The following AGMO variants were observed in gnomAD, a reference collection of about 807,000 sequenced individuals.
AGMO encodes the protein alkylglycerol monooxygenase, also known as glyceryl-ether monooxygenase.
AGMO carries 75 observed loss-of-function variants against 60.2 expected under a neutral mutation model. The observed-to-expected ratio is 1.25, with a 90% confidence interval of 1.03 to 1.51. AGMO has a LOEUF of 1.51. AGMO is among the 40% of genes most tolerant of loss of function. AGMO has a pLI of 0.00. For missense variants in AGMO, 763 were observed against 525.5 expected (o/e 1.45, Z -4.42); for synonymous variants, 261 against 177.1 (o/e 1.47, Z -3.76).
At chr7:15,444,105 T>C (rs985144628) in intron 3 of AGMO, among the ~76,000 whole-genome samples, 1 of 152,198 alleles carries the variant, frequency 6.6e-6, no homozygotes, top group Non-Finnish European at 1.5e-5. Context: ...TTCATCTTCG[T>C]ATTTTCCACA....
intron 12 of AGMO, among the ~76,000 whole-genome samples, chr7:15,331,204 G>A (rs886265947): frequency 1.3e-5 from 2 of 152,162 alleles, no homozygotes; most frequent in South Asian, 4.1e-4. Context: ...CCCCAGGCAA[G>A]AAAGAATGAA....
intron 12 of AGMO, among the ~76,000 whole-genome samples, chr7:15,238,507 T>A (rs1237209239): frequency 6.6e-6 from 1 of 151,778 alleles, no homozygotes; most frequent in Non-Finnish European, 1.5e-5. Context: ...TACACAGGTA[T>A]CAAAATATCA....
intron 3 of AGMO, among the ~76,000 whole-genome samples, chr7:15,451,181 G>C (rs1414188110): frequency 1.3e-5 from 2 of 152,050 alleles, no homozygotes; most frequent in Non-Finnish European, 1.5e-5. Context: ...ATTTTATAGA[G>C]AGAGGTATAT....
chr7:15,382,955 C>T (rs1296359563), intron 10 of AGMO, among the ~76,000 whole-genome samples: 1 of 151,650 alleles, frequency 6.6e-6, no homozygotes, highest in Non-Finnish European at 1.5e-5. Context: ...GTTATTTTTG[C>T]CTACTTGAGC....
At chr7:15,346,779 C>T (rs887065742) in intron 12 of AGMO, among the ~76,000 whole-genome samples, 1 of 151,478 alleles carries the variant, frequency 6.6e-6, no homozygotes, top group Non-Finnish European at 1.5e-5. Flanking sequence ...AGAATATAAG[C>T]AAAAAAACAA....
At chr7:15,405,893 A>C (rs1312029675) in intron 5 of AGMO, among the ~76,000 whole-genome samples, 1 of 151,908 alleles carries the variant, frequency 6.6e-6, no homozygotes, top group Admixed American at 6.6e-5. Context: ...TGATTTCAAA[A>C]TGTATAATCT....
intron 3 of AGMO, among the ~76,000 whole-genome samples, chr7:15,489,490 T>A (rs1238563153): frequency 2.6e-5 from 4 of 152,138 alleles, no homozygotes; most frequent in Non-Finnish European, 4.4e-5. Context: ...GCTTTTGTCC[T>A]CCCTCCAACC....
At chr7:15,363,630 CCAT>C (rs142814867) in intron 12 of AGMO, among the ~76,000 whole-genome samples, 1,594 of 152,206 alleles carry the variant, frequency 0.01, 35 homozygotes, top group African/African-American at 0.037. Context: ...AAGTAAACTG[CCAT>C]CATCTTATCA....
chr7:15,460,637 T>C (rs1204631739), intron 3 of AGMO, among the ~76,000 whole-genome samples: 1 of 152,132 alleles, frequency 6.6e-6, no homozygotes, highest in Non-Finnish European at 1.5e-5. Context: ...AATATTGACC[T>C]AGGTTTTATG....
intron 3 of AGMO, among the ~76,000 whole-genome samples, chr7:15,526,152 C>T (rs1050710464): frequency 1.3e-5 from 2 of 152,174 alleles, no homozygotes; most frequent in Non-Finnish European, 2.9e-5. Flanking sequence ...GATGGGGTGT[C>T]TCCTGCAGCG....
At chr7:15,322,519 T>C (rs1326487470) in intron 12 of AGMO, among the ~76,000 whole-genome samples, 1 of 85,774 alleles carries the variant, frequency 1.2e-5, no homozygotes, top group Non-Finnish European at 2.0e-5. Context: ...TATATATAAA[T>C]ATATATAAAT....
At chr7:15,372,168 C>T (rs376502659) in intron 10 of AGMO, among the ~76,000 whole-genome samples, 306 of 151,460 alleles carry the variant, frequency 2.0e-3, no homozygotes, top group African/African-American at 6.8e-3. Flanking sequence ...GTCTAACATG[C>T]GGCTGGGTGT....
the AGMO span, among the ~76,000 whole-genome samples, chr7:15,195,012 T>A: frequency 6.6e-6 from 1 of 152,102 alleles, no homozygotes; most frequent in Non-Finnish European, 1.5e-5. Flanking sequence ...CTGAATAGGA[T>A]AAGGGGAGGA....
At chr7:15,543,193 A>G (rs1285871269) in intron 3 of AGMO, among the ~76,000 whole-genome samples, 2 of 151,992 alleles carry the variant, frequency 1.3e-5, no homozygotes, top group Non-Finnish European at 2.9e-5. Context: ...TGAAATCCTG[A>G]GTTGTGCTCT....
At chr7:15,158,613 T>C in the AGMO span, among the ~76,000 whole-genome samples, 1 of 152,336 alleles carries the variant, frequency 6.6e-6, no homozygotes, top group Admixed American at 6.5e-5. Flanking sequence ...GAATATGTCT[T>C]GTGAGCCCCT....
At chr7:15,420,517 T>C (rs2128494837) in intron 4 of AGMO, among the ~76,000 whole-genome samples, 1 of 152,262 alleles carries the variant, frequency 6.6e-6, no homozygotes, top group South Asian at 2.1e-4. Context: ...TGAGTGATAA[T>C]TTCTTATGAT....
the AGMO span, among the ~76,000 whole-genome samples, chr7:15,117,825 C>T: frequency 6.6e-6 from 1 of 151,830 alleles, no homozygotes; most frequent in African/African-American, 2.4e-5. Context: ...TTTAAGGGTA[C>T]AGGAGAGGAG....
At chr7:15,251,928 A>C (rs900907008) in intron 12 of AGMO, among the ~76,000 whole-genome samples, 4 of 152,214 alleles carry the variant, frequency 2.6e-5, no homozygotes, top group Non-Finnish European at 5.9e-5. Flanking sequence ...AGATAAGCCC[A>C]AAATATAATA....
intron 12 of AGMO, among the ~76,000 whole-genome samples, chr7:15,233,553 T>G (rs1477394746): frequency 6.6e-6 from 1 of 151,572 alleles, no homozygotes; most frequent in African/African-American, 2.4e-5. Flanking sequence ...GAGAGTTGTT[T>G]TTTTTTTTCC....
Sources: gnomAD v4.1 joint callset for allele counts (sites outside exome capture counted in the v4.1 genomes callset) on GRCh38, gnomAD v4.1.1 for gene constraint, MANE v1.5 for transcripts, NCBI Gene and HGNC (gene_info 2026-07-23, HGNC 2026-07-21) for gene names.